Variants in SMOC1 observed in about 807,000 individuals in gnomAD.
The protein encoded by SMOC1 is SPARC-related modular calcium-binding protein 1.
A neutral mutation model predicts 56.3 loss-of-function variants in SMOC1; 22 were observed. The ratio of observed to expected loss-of-function variants is 0.39; its 90% CI spans 0.28 to 0.56. The LOEUF is 0.56. SMOC1 is among the 20% of genes least tolerant of loss of function. SMOC1 has a pLI of 0.61. For synonymous variants in SMOC1, 193 were observed against 215.0 expected (o/e 0.90, Z 0.89); for missense variants, 509 against 565.4 (o/e 0.90, Z 1.01).
At chr14:70,021,605 C>G (rs1405710648) in intron 10 of SMOC1, among the ~76,000 whole-genome samples, 1 of 152,220 alleles carries the variant, frequency 6.6e-6, no homozygotes, top group Admixed American at 6.5e-5. Flanking sequence ...GGCAGATCCA[C>G]TAATTGCATC....
rs936350059 is a variant in SMOC1 at position 70,030,283 on chromosome 14, G to A, written c.*25G>A. 58 of 1,613,308 alleles carry A rather than the reference G, an allele frequency of 3.6e-5. No homozygotes were observed. The highest frequency in any genetic ancestry group is 4.9e-5 in the Non-Finnish European group (58 of 1,179,920). ...AGGAGCAGAAAACCCAAGGGCAGGT[G>A]GAGAGTCCAGGGAGGCAGGATGGAT... On this transcript the variant is annotated 3_prime_UTR_variant, in exon 12 of 12. Transcript: ENST00000361956.
At chr14:69,978,421 C>T (rs1266651303) in intron 5 of SMOC1, among the ~76,000 whole-genome samples, 1 of 152,212 alleles carries the variant, frequency 6.6e-6, no homozygotes, top group Admixed American at 6.5e-5. Context: ...ATTCTCTTCA[C>T]TAAGGCGAGG....
At chr14:69,890,529 T>TTA (rs1451487366) in intron 1 of SMOC1, among the ~76,000 whole-genome samples, 7 of 152,132 alleles carry the variant, frequency 4.6e-5, no homozygotes, top group African/African-American at 1.2e-4. Flanking sequence ...TAGAGCAAAA[T>TTA]AATAAAGATT....
At chr14:69,987,879 C>A (rs1251174732) in intron 5 of SMOC1, among the ~76,000 whole-genome samples, 2 of 152,220 alleles carry the variant, frequency 1.3e-5, no homozygotes, top group African/African-American at 4.8e-5. Context: ...TATAGGCTCA[C>A]AGAGCCCATG....
intron 1 of SMOC1, among the ~76,000 whole-genome samples, chr14:69,881,157 AG>A (rs1883626392): frequency 6.6e-6 from 1 of 152,250 alleles, no homozygotes; most frequent in African/African-American, 2.4e-5. Context: ...TAAGGGCTCC[AG>A]GAGTGACTTT....
intron 1 of SMOC1, among the ~76,000 whole-genome samples, chr14:69,926,725 T>C (rs1203183842): frequency 6.6e-6 from 1 of 152,234 alleles, no homozygotes; most frequent in Non-Finnish European, 1.5e-5. Flanking sequence ...TGAAGCTTGC[T>C]GGCTCCCTGT....
rs1884692071 is a variant in SMOC1 at position 69,994,466 on chromosome 14, A to G, written c.650A>G (p.Asn217Ser). 2 of 1,613,148 alleles carry G rather than the reference A, an allele frequency of 1.2e-6. No individual in the cohort carries two copies. Among genetic ancestry groups the G allele is most frequent in the Admixed American group, 1.7e-5 (1 of 60,022 alleles). The change falls in exon 7 of 12, where the codon AAC becomes AGC. Residue 217 changes from asparagine to serine, a missense_variant. Around this residue, in one of 3 missense-constraint regions of SMOC1, gnomAD observed 315 missense variants for 333.1 expected, o/e 0.95. Transcript: ENST00000361956. Reference protein sequence around the residue: ...VIKDSKLNNTNIRNSEKVYSC... With the variant: ...VIKDSKLNNTSIRNSEKVYSC... ...AAGGACTCCAAACTGAACAACACCA[A>G]CATAAGAAATTCAGGTAAATAACCT...
intron 1 of SMOC1, among the ~76,000 whole-genome samples, chr14:69,933,716 C>T (rs1885227128): frequency 6.6e-6 from 1 of 152,108 alleles, no homozygotes; most frequent in Admixed American, 6.6e-5. Context: ...CAGGGTGTCC[C>T]CATGTTGGCC....
At chr14:69,909,654 G>A (rs1884504180) in intron 1 of SMOC1, among the ~76,000 whole-genome samples, 1 of 152,152 alleles carries the variant, frequency 6.6e-6, no homozygotes. Context: ...ATTTTCCATT[G>A]GAGAACAACC....
Position 69,953,459 on chromosome 14 carries a change from C to T in SMOC1, c.305C>T (p.Ala102Val), listed in dbSNP as rs1883077507. The change falls in exon 3 of 12, where the codon GCC becomes GTC. Residue 102 changes from alanine (A) to valine (V), a missense_variant. Ala to Val is a moderately conservative substitution (Grantham distance 64, BLOSUM62 0). This residue lies in a region of SMOC1 where 315 missense variants were observed against 333.1 expected (regional missense o/e 0.95). Transcript: ENST00000361956. ...AAGTGTCGCCTGGAGCGGGCTCAAGCCCTGGAGCAAGCCAAGAAGCCTCAG... is the reference window on the plus strand; with the variant it reads ...AAGTGTCGCCTGGAGCGGGCTCAAGTCCTGGAGCAAGCCAAGAAGCCTCAG... ...QSKCRLERAQ[A>V]LEQAKKPQEA... is the part of the protein sequence containing the mutation. 6.2e-7 allele frequency: 1 copy of T among 1,614,122 alleles called. No homozygotes were observed. Among genetic ancestry groups the T allele is most frequent in the African/African-American group, 1.3e-5 (1 of 74,948 alleles).
intron 1 of SMOC1, among the ~76,000 whole-genome samples, chr14:69,904,160 A>C (rs1884345179): frequency 6.6e-6 from 1 of 152,228 alleles, no homozygotes; most frequent in South Asian, 2.1e-4. Flanking sequence ...ACATTAATAA[A>C]TTCGCTGATA....
intron 1 of SMOC1, among the ~76,000 whole-genome samples, chr14:69,915,114 C>T (rs567525669): frequency 6.6e-5 from 10 of 152,200 alleles, no homozygotes; most frequent in African/African-American, 2.4e-4. Flanking sequence ...GTGATCCACC[C>T]GCTTCAGCCT....
chr14:69,937,336 C>G (rs145278290), intron 1 of SMOC1, among the ~76,000 whole-genome samples: 1 of 152,198 alleles, frequency 6.6e-6, no homozygotes, highest in Non-Finnish European at 1.5e-5. Flanking sequence ...AAAAGATCCT[C>G]GTAGTCAAAT....
At chr14:69,899,207 A>T (rs11627546) in intron 1 of SMOC1, among the ~76,000 whole-genome samples, 1 of 152,036 alleles carries the variant, frequency 6.6e-6, no homozygotes, top group Admixed American at 6.5e-5. Context: ...CTGTGGTTCA[A>T]AATGGCTGCC....
chr14:69,949,728 C>T (rs1022240560), intron 1 of SMOC1, among the ~76,000 whole-genome samples: 19 of 152,220 alleles, frequency 1.2e-4, no homozygotes, highest in South Asian at 2.1e-4. Flanking sequence ...GAAGCAGGCC[C>T]GTGTGCCCCA....
intron 5 of SMOC1, among the ~76,000 whole-genome samples, chr14:69,987,816 C>T (rs749856110): frequency 1.3e-5 from 2 of 152,188 alleles, no homozygotes; most frequent in Non-Finnish European, 2.9e-5. Context: ...TGTGCGTGGG[C>T]CAGGCCTTCT....
rs982572697 is a variant in SMOC1 at position 69,965,330 on chromosome 14, G to A, written c.379-10385G>A. 8.2e-4 allele frequency among the ~76,000 whole-genome samples: 124 copies of A among 151,328 alleles called. 1 individual carries two copies. The highest frequency in any genetic ancestry group is 2.9e-3 in the African/African-American group (119 of 41,308). On this transcript the variant is annotated intron_variant, in intron 3 of 11. Transcript: ENST00000361956. ...CGGGAGGTGGAGATTGCAGTGAGCCGAGTTGGCGCCACTGCACTCCAGCCT... is the reference window on the plus strand; with the variant it reads ...CGGGAGGTGGAGATTGCAGTGAGCCAAGTTGGCGCCACTGCACTCCAGCCT...
chr14:69,984,233 A>G (rs988793940), intron 5 of SMOC1, among the ~76,000 whole-genome samples: 1 of 152,178 alleles, frequency 6.6e-6, no homozygotes, highest in Non-Finnish European at 1.5e-5. Context: ...TAACAAATCG[A>G]CCCCAAAGCC....
chr14:69,914,808 T>C (rs1405160020), intron 1 of SMOC1, among the ~76,000 whole-genome samples: 1 of 152,250 alleles, frequency 6.6e-6, no homozygotes, highest in Non-Finnish European at 1.5e-5. Context: ...CTCTAGTCCA[T>C]TCATGCTTCT....
Sources: gnomAD v4.1 joint callset for allele counts (sites outside exome capture counted in the v4.1 genomes callset) on GRCh38, gnomAD v4.1.1 for gene constraint, gnomAD v4.1.1 regional missense constraint, MANE v1.5 for transcripts, NCBI Gene and HGNC (gene_info 2026-07-23, HGNC 2026-07-21) for gene names.